The following MYOCD variants were observed in gnomAD, a reference collection of about 807,000 sequenced individuals.
The protein encoded by MYOCD is myocardin.
MYOCD carries 32 observed loss-of-function variants against 96.1 expected under a neutral mutation model. The ratio of observed to expected loss-of-function variants is 0.33; its 90% CI spans 0.25 to 0.45. MYOCD has a LOEUF of 0.45. Ranked by LOEUF, MYOCD falls within the 20% of genes least tolerant of loss-of-function variation. MYOCD has a pLI of 1.00. For synonymous variants in MYOCD, 469 were observed against 469.0 expected (o/e 1.00, Z 0.00); for missense variants, 1,133 against 1,200.6 (o/e 0.94, Z 0.83).
Position 12,665,947 on chromosome 17 carries a change from G to T in MYOCD, c.-242G>T, listed in dbSNP as rs1314363738. 3.7e-6 allele frequency: 2 copies of T among 537,786 alleles called. No individual in the cohort carries two copies. Among genetic ancestry groups the T allele is most frequent in the South Asian group, 5.1e-5 (2 of 38,898 alleles). 33.3% of individuals were successfully genotyped at this position (537,786 alleles called of 1,614,324 possible). On this transcript the variant is annotated 5_prime_UTR_variant, in exon 1 of 14. Transcript: ENST00000425538. The surrounding 1 kb of genome is among the most constrained non-coding windows in gnomAD (Gnocchi z 4.2). Reference sequence around the variant, plus strand: ...CGCCTGGGATGCCGCGCTGCTCCTGGCCAACCTCCGAGGAGGAGGAGGGTC... The same window carrying T: ...CGCCTGGGATGCCGCGCTGCTCCTGTCCAACCTCCGAGGAGGAGGAGGGTC...
rs1476676782 is a variant in MYOCD at position 12,765,597 on chromosome 17, A to G, written c.*1953A>G. On this transcript the variant is annotated 3_prime_UTR_variant, in exon 14 of 14. Transcript: ENST00000425538. ...GTATATTATATCTGTGTGTGCATGT[A>G]TCTCCAAAAGCGGCGTTACAGAGTT... is the stretch of plus-strand genomic sequence containing the variant. 2 of 151,046 alleles carry G rather than the reference A, an allele frequency of 1.3e-5. No homozygotes were observed. Among genetic ancestry groups the G allele is most frequent in the African/African-American group, 4.9e-5 (2 of 40,994 alleles). 9.4% of individuals were successfully genotyped at this position (151,046 alleles called of 1,614,324 possible). A position where few individuals can be genotyped will look rare whatever the true frequency, so the allele number is the denominator to read the frequency against.
At chr17:12,710,139 A>C (rs1327902016) in intron 2 of MYOCD, among the ~76,000 whole-genome samples, 1 of 152,180 alleles carries the variant, frequency 6.6e-6, no homozygotes, top group African/African-American at 2.4e-5. Context: ...GATTTTGGAC[A>C]ACCTCACACC....
chr17:12,711,088 T>C (rs538529581), intron 2 of MYOCD, among the ~76,000 whole-genome samples: 2 of 152,314 alleles, frequency 1.3e-5, no homozygotes, highest in Admixed American at 6.5e-5. Flanking sequence ...GAGACTATTA[T>C]TGGGGTAACA....
intron 2 of MYOCD, chr17:12,710,464 A>G (rs2031446692): frequency 1.0e-6 from 1 of 968,156 alleles, no homozygotes; most frequent in African/African-American, 1.8e-5. Context: ...TGAGCTGTCT[A>G]TGAATGGTGC....
At chr17:12,718,621 G>A (rs2150686078) in intron 4 of MYOCD, among the ~76,000 whole-genome samples, 1 of 152,292 alleles carries the variant, frequency 6.6e-6, no homozygotes, top group Non-Finnish European at 1.5e-5. Context: ...TTTTAAGACG[G>A]AGAACTGTTT....
chr17:12,730,165 A>C (rs768300532), intron 5 of MYOCD, among the ~76,000 whole-genome samples: 1 of 151,934 alleles, frequency 6.6e-6, no homozygotes, highest in Non-Finnish European at 1.5e-5. Flanking sequence ...AGGAAAAAAA[A>C]GGCCAGGCGT....
At chr17:12,669,056 TG>T (rs1384886693) in intron 1 of MYOCD, among the ~76,000 whole-genome samples, 5 of 152,180 alleles carry the variant, frequency 3.3e-5, no homozygotes, top group African/African-American at 1.2e-4. Context: ...GTGTGGCAAT[TG>T]TGTGTGAAGG....
At chr17:12,705,974 CTG>C (rs2031274811) in intron 2 of MYOCD, 1 of 152,172 alleles carries the variant, frequency 6.6e-6, no homozygotes, top group South Asian at 2.1e-4. Context: ...CCTTGAAAAA[CTG>C]TAGTGTAGTT....
At chr17:12,701,584 G>A (rs1417245476) in intron 1 of MYOCD, among the ~76,000 whole-genome samples, 2 of 151,898 alleles carry the variant, frequency 1.3e-5, no homozygotes, top group East Asian at 1.9e-4. Flanking sequence ...TCCTTACTAT[G>A]AGCATACTTC....
In MYOCD at chr17:12,763,688, TG is replaced by T. The variant is rs1567605659; in HGVS notation, c.*49del. ...GCTATGGAAGACCAATGGAGTTCCATGGGGGAAAGCACACAGCCATACATAC... is the reference window on the plus strand; with the variant it reads ...GCTATGGAAGACCAATGGAGTTCCATGGGGAAAGCACACAGCCATACATAC... On this transcript the variant is annotated 3_prime_UTR_variant, in exon 14 of 14. Transcript: ENST00000425538. 2 of 1,526,784 alleles carry T rather than the reference TG, an allele frequency of 1.3e-6. No individual in the cohort carries two copies. The highest frequency in any genetic ancestry group is 2.5e-5 in the South Asian group (2 of 80,810). 94.6% of individuals were successfully genotyped at this position (1,526,784 alleles called of 1,614,324 possible).
intron 7 of MYOCD, among the ~76,000 whole-genome samples, 197 bp downstream of exon 7, chr17:12,739,525 C>T (rs536220294): frequency 6.6e-6 from 1 of 152,320 alleles, no homozygotes; most frequent in East Asian, 1.9e-4. Flanking sequence ...GCAGAAGTCA[C>T]CTCTGCCACG....
At chr17:12,732,596 C>T (rs1259203847) in intron 5 of MYOCD, among the ~76,000 whole-genome samples, 1 of 152,196 alleles carries the variant, frequency 6.6e-6, no homozygotes, top group Admixed American at 6.5e-5. Flanking sequence ...TTAGCCATAT[C>T]TTATCTGATC....
intron 9 of MYOCD, 92 bp downstream of exon 9, chr17:12,746,164 G>C (rs1274374925): frequency 2.9e-6 from 4 of 1,362,020 alleles, no homozygotes; most frequent in Non-Finnish European, 4.1e-6. Context: ...TCTGGAGTAA[G>C]AGAGTGGGAG....
At chr17:12,689,759 A>T (rs1006047496) in intron 1 of MYOCD, among the ~76,000 whole-genome samples, 1 of 151,268 alleles carries the variant, frequency 6.6e-6, no homozygotes, top group African/African-American at 2.4e-5. Context: ...TGAACCTGGG[A>T]GGCAAAGGTT....
At chr17:12,681,991 C>T (rs938909501) in intron 1 of MYOCD, among the ~76,000 whole-genome samples, 3 of 152,324 alleles carry the variant, frequency 2.0e-5, no homozygotes, top group African/African-American at 7.2e-5. Context: ...GCAAATTGAG[C>T]TCAGGCATTA....
At chr17:12,739,911 G>A (rs2032455417) in intron 7 of MYOCD, among the ~76,000 whole-genome samples, 1 of 151,972 alleles carries the variant, frequency 6.6e-6, no homozygotes, top group Non-Finnish European at 1.5e-5. Flanking sequence ...ACACAGAGAA[G>A]TTCTTTAGTG....
At chr17:12,707,796 A>G (rs2031347457) in intron 2 of MYOCD, among the ~76,000 whole-genome samples, 2 of 152,222 alleles carry the variant, frequency 1.3e-5, no homozygotes, top group African/African-American at 2.4e-5. Flanking sequence ...ACCTTACACA[A>G]GAAGACTTTA....
At chr17:12,724,452 A>T (rs1422289775) in intron 5 of MYOCD, among the ~76,000 whole-genome samples, 1 of 152,152 alleles carries the variant, frequency 6.6e-6, no homozygotes, top group Non-Finnish European at 1.5e-5. Context: ...TAGGGAAAAA[A>T]TGCTAATCCT....
chr17:12,688,581 C>CCTCCTTCCTTCCAT (rs2030267418), intron 1 of MYOCD, among the ~76,000 whole-genome samples: 1 of 145,058 alleles, frequency 6.9e-6, no homozygotes, highest in Non-Finnish European at 1.5e-5. Flanking sequence ...CATCTCCGTC[C>CCTCCTTCCTTCCAT]CTCCTTCCTT....
Sources: gnomAD v4.1 joint callset for allele counts (sites outside exome capture counted in the v4.1 genomes callset) on GRCh38, gnomAD v4.1.1 for gene constraint, Gnocchi (gnomAD v3.1) non-coding constraint, MANE v1.5 for transcripts, NCBI Gene and HGNC (gene_info 2026-07-23, HGNC 2026-07-21) for gene names.